The following BRAF variants were observed in gnomAD, a reference collection of about 807,000 sequenced individuals.
BRAF encodes B-Raf proto-oncogene, serine/threonine kinase.
In BRAF, 16 loss-of-function variants were observed where a neutral mutation model predicts 104.6. The observed-to-expected ratio is 0.15, with a 90% confidence interval of 0.10 to 0.23. BRAF has a LOEUF of 0.23. BRAF is among the 10% of genes least tolerant of loss of function. The probability of loss-of-function intolerance (pLI) is 1.00; values close to 1 mark genes in which losing one functional copy is unlikely to be tolerated. For missense variants in BRAF, 541 were observed against 937.3 expected (o/e 0.58, Z 5.52); for synonymous variants, 310 against 341.6 (o/e 0.91, Z 1.02).
chr7:140,816,965 T>C (rs1241142338), intron 3 of BRAF, among the ~76,000 whole-genome samples: 2 of 151,472 alleles, frequency 1.3e-5, no homozygotes, highest in Non-Finnish European at 2.9e-5. Context: ...GCTAGAGCAA[T>C]TGGATAAGAG....
At chr7:140,865,800 G>A (rs1810901514) in intron 1 of BRAF, among the ~76,000 whole-genome samples, 1 of 152,146 alleles carries the variant, frequency 6.6e-6, no homozygotes. Flanking sequence ...AAATAGAGAA[G>A]TGATATTCAT....
At chr7:140,858,138 C>A (rs577518546) in intron 1 of BRAF, among the ~76,000 whole-genome samples, 3 of 152,108 alleles carry the variant, frequency 2.0e-5, no homozygotes, top group Non-Finnish European at 4.4e-5. Context: ...AGGATACTTA[C>A]ATAGTGCCAA....
intron 13 of BRAF, 131 bp from the exon 13 acceptor site, chr7:140,777,219 A>G: frequency 2.2e-6 from 2 of 904,202 alleles, no homozygotes; most frequent in Non-Finnish European, 3.4e-6. Flanking sequence ...AAAGGCAACA[A>G]AAGGATACAT....
chr7:140,845,072 T>C (rs1214913121), intron 2 of BRAF, among the ~76,000 whole-genome samples: 1 of 151,562 alleles, frequency 6.6e-6, no homozygotes, highest in African/African-American at 2.4e-5. Flanking sequence ...GACAGACATA[T>C]AGACCAATGG....
At chr7:140,770,558 C>T (rs1440428679) in intron 14 of BRAF, among the ~76,000 whole-genome samples, 3 of 138,442 alleles carry the variant, frequency 2.2e-5, no homozygotes, top group African/African-American at 8.1e-5. Flanking sequence ...GCACAATGTA[C>T]TGACCATTCC....
intron 1 of BRAF, among the ~76,000 whole-genome samples, chr7:140,917,579 A>T (rs1443061323): frequency 6.6e-6 from 1 of 152,208 alleles, no homozygotes; most frequent in Admixed American, 6.5e-5. Flanking sequence ...TGGGCAATAC[A>T]GTGAAACTCC....
intron 11 of BRAF, among the ~76,000 whole-genome samples, chr7:140,782,706 A>G (rs1023003784): frequency 5.3e-5 from 8 of 152,186 alleles, no homozygotes; most frequent in African/African-American, 1.2e-4. Flanking sequence ...CCTTCAGTAG[A>G]TATCTGAAAT....
At chr7:140,785,164 C>A (rs980972667) in intron 10 of BRAF, among the ~76,000 whole-genome samples, 1 of 151,936 alleles carries the variant, frequency 6.6e-6, no homozygotes, top group South Asian at 2.1e-4. Flanking sequence ...ATACACATCC[C>A]ATATTGGGGG....
chr7:140,881,100 G>T (rs191954406), intron 1 of BRAF, among the ~76,000 whole-genome samples: 2 of 152,174 alleles, frequency 1.3e-5, no homozygotes, highest in Non-Finnish European at 2.9e-5. Flanking sequence ...TGAGCAGGGG[G>T]TCTCAACAGT....
At position 140,778,012 on chromosome 7, in the gene BRAF, T is replaced by C; in HGVS notation, c.1616A>G (p.Lys539Arg). 1 of 1,613,462 alleles carries C rather than the reference T, an allele frequency of 6.2e-7. No individual in the cohort carries two copies. Among genetic ancestry groups the C allele is most frequent in the Non-Finnish European group, 8.5e-7 (1 of 1,179,776 alleles). Residue 539 changes from lysine to arginine, a missense_variant, in exon 13 of 20, where the codon AAA (lysine) becomes AGA (arginine). This residue lies in a region of BRAF where 7 missense variants were observed against 47.2 expected (regional missense o/e 0.15). Transcript: ENST00000644969. ...APTPQQLQAFKNEVGVLRKTR... is the reference protein window; with the variant it reads ...APTPQQLQAFRNEVGVLRKTR... ...TCACCTGAGTACTCCTACTTCATTT[T>C]TGAAGGCTTGTAACTGCTGAGGTGT...
At chr7:140,807,751 T>C (rs1803813005) in intron 5 of BRAF, among the ~76,000 whole-genome samples, 1 of 152,134 alleles carries the variant, frequency 6.6e-6, no homozygotes, top group Non-Finnish European at 1.5e-5. Context: ...AATGCATACA[T>C]TTTACTTTTT....
chr7:140,744,548 T>C (rs1383716176), intron 17 of BRAF, among the ~76,000 whole-genome samples: 1 of 152,240 alleles, frequency 6.6e-6, no homozygotes, highest in Non-Finnish European at 1.5e-5. Context: ...CTGAAGCTGG[T>C]CTTGGGGACT....
In BRAF at chr7:140,748,967, G is replaced by C; in HGVS notation, c.2112+320C>G. The C allele has an allele frequency of 6.6e-6, 2 of 302,452 alleles. 1 individual carries two copies. The highest frequency in any genetic ancestry group is 2.2e-3 in the Middle Eastern group (2 of 894). The allele number at this position is 302,452 out of a possible 1,614,324, so 18.7% of individuals were successfully genotyped here. On this transcript the variant is annotated intron_variant, in intron 17 of 19. Transcript: ENST00000644969. The stretch of plus-strand genomic sequence containing the variant: ...AGCACAATCTGTGATACAGTGAAAA[G>C]TATAATGCCCAGATGCTATAGTAGC...
At chr7:140,873,936 A>G (rs1022960913) in intron 1 of BRAF, among the ~76,000 whole-genome samples, 2 of 152,228 alleles carry the variant, frequency 1.3e-5, no homozygotes, top group African/African-American at 2.4e-5. Context: ...ACATTAAGCT[A>G]TGGAAAGACA....
At chr7:140,734,805 A>AAG in intron 18 of BRAF, 35 bp from the exon 18 acceptor site, 1 of 1,461,106 alleles carries the variant, frequency 6.8e-7, no homozygotes, top group Non-Finnish European at 8.9e-7. Context: ...AAGAAAAAAA[A>AAG]AGAAAAAAGA....
intron 1 of BRAF, among the ~76,000 whole-genome samples, chr7:140,874,446 C>T (rs894944453): frequency 6.6e-6 from 1 of 150,812 alleles, no homozygotes; most frequent in Non-Finnish European, 1.5e-5. Flanking sequence ...GTGATCTGCC[C>T]GCCTTGGCCT....
chr7:140,847,612 A>T (rs1245337809), intron 2 of BRAF, among the ~76,000 whole-genome samples: 1 of 152,136 alleles, frequency 6.6e-6, no homozygotes, highest in Non-Finnish European at 1.5e-5. Context: ...GACAATTGCT[A>T]TTCCCCAAGG....
In BRAF at chr7:140,719,875, C is replaced by T; in HGVS notation, c.*6619G>A. ...TTGAGTGGAACTGAAGTGTACTAAA[C>T]CCGAACCTTTGGCAGTAACAGAAAA... is the stretch of plus-strand genomic sequence containing the variant. On this transcript the variant is annotated 3_prime_UTR_variant, in exon 20 of 20. Transcript: ENST00000644969. The T allele has an allele frequency of 1.9e-6, 2 of 1,062,706 alleles. No individual in the cohort carries two copies. Among genetic ancestry groups the T allele is most frequent in the South Asian group, 4.6e-5 (1 of 21,950 alleles). The allele number at this position is 1,062,706 out of a possible 1,614,324, so 65.8% of individuals were successfully genotyped here.
At chr7:140,765,532 A>T (rs1799222748) in intron 14 of BRAF, among the ~76,000 whole-genome samples, 1 of 152,016 alleles carries the variant, frequency 6.6e-6, no homozygotes, top group Non-Finnish European at 1.5e-5. Flanking sequence ...ATGGGAGAAA[A>T]TTTTCGCAAC....
Sources: gnomAD v4.1 joint callset for allele counts (sites outside exome capture counted in the v4.1 genomes callset) on GRCh38, gnomAD v4.1.1 for gene constraint, gnomAD v4.1.1 regional missense constraint, MANE v1.5 for transcripts, NCBI Gene and HGNC (gene_info 2026-07-23, HGNC 2026-07-21) for gene names.